CABYR: variants seen among roughly 807,000 people sequenced by gnomAD.
CABYR encodes calcium-binding tyrosine phosphorylation-regulated protein.
CABYR carries 31 observed loss-of-function variants against 36.1 expected under a neutral mutation model. That is an observed-to-expected ratio of 0.86 (90% CI 0.64 to 1.16). CABYR has a LOEUF of 1.16. Among genes scored for constraint, CABYR ranks in the 50% most tolerant of loss-of-function variants. The pLI is 0.00. For missense variants in CABYR, 429 were observed against 455.8 expected, an observed-to-expected ratio of 0.94 and a Z score of 0.53; for synonymous variants, 146 against 160.7, an observed-to-expected ratio of 0.91 and a Z score of 0.69.
intron 3 of CABYR, among the ~76,000 whole-genome samples, chr18:24,149,670 G>A (rs4800553): frequency 0.47 from 71,749 of 152,238 alleles, 19,940 homozygotes; most frequent in Non-Finnish European, 0.63. Context: ...GCTCAGGCAT[G>A]GCGGGCTGCA....
rs141027920 is a variant in CABYR at position 24,141,865 on chromosome 18, G to A, written c.-24-1226G>A. ...AACATAAGGGAAAATTTGGGAAGAG[G>A]GTAAGGGAGATATGAGAAACGAAAG... On this transcript the variant is annotated intron_variant, in intron 1 of 5. Transcript: ENST00000399496. Among the ~76,000 whole-genome samples, 923 of 152,116 alleles carry A rather than the reference G, an allele frequency of 6.1e-3. 16 individuals are homozygous for A. The highest frequency in any genetic ancestry group is 0.027 in the South Asian group (130 of 4,822).
At chr18:24,151,980 G>A in intron 3 of CABYR, among the ~76,000 whole-genome samples, 1 of 152,112 alleles carries the variant, frequency 6.6e-6, no homozygotes, top group South Asian at 2.1e-4. Context: ...ATGAGCCATC[G>A]TGCCTGACCT....
intron 4 of CABYR, chr18:24,156,614 T>C: frequency 2.5e-6 from 4 of 1,614,194 alleles, no homozygotes; most frequent in Non-Finnish European, 3.4e-6. Flanking sequence ...TGGAGGAGAA[T>C]GCAAAATATT....
intron 3 of CABYR, among the ~76,000 whole-genome samples, chr18:24,144,661 T>C (rs1568457445): frequency 6.6e-6 from 1 of 151,868 alleles, no homozygotes; most frequent in Non-Finnish European, 1.5e-5. Context: ...CTACCAGAGG[T>C]AATGGAGAGC....
At chr18:24,156,285 G>T in intron 4 of CABYR, 1 of 1,614,190 alleles carries the variant, frequency 6.2e-7, no homozygotes, top group Non-Finnish European at 8.5e-7. Flanking sequence ...GGCTTCCTCA[G>T]TCCCCTTGCA....
rs367779705 is a variant in CABYR, at chr18:24,156,351, G to C, written c.541+309G>C. 7 of 1,614,078 alleles carry C rather than the reference G, an allele frequency of 4.3e-6. No individual in the cohort carries two copies. In the African/African-American group the frequency reaches 9.3e-5, roughly 22 times the overall value. Reference sequence around the variant, plus strand: ...AGCTCCTGAGGTCACTTTGCAGGCTGATATTGAGGTTATGTCAACTGTTCA... The same window carrying C: ...AGCTCCTGAGGTCACTTTGCAGGCTCATATTGAGGTTATGTCAACTGTTCA... On this transcript the variant is annotated intron_variant, in intron 4 of 5. Coordinates refer to ENST00000399496, the MANE Select transcript of CABYR (RefSeq NM_153769.3).
chr18:24,149,876 T>C (rs4800554), intron 3 of CABYR, among the ~76,000 whole-genome samples: 148,964 of 152,350 alleles, frequency 0.98, 72,913 homozygotes, highest in East Asian at 1. Flanking sequence ...CCATGCCCAC[T>C]CGGAACTCCA....
intron 3 of CABYR, among the ~76,000 whole-genome samples, chr18:24,150,999 C>T (rs1055692798): frequency 6.6e-6 from 1 of 152,018 alleles, no homozygotes; most frequent in Non-Finnish European, 1.5e-5. Flanking sequence ...CAGGATGGCC[C>T]ACCTCCAATT....
intron 3 of CABYR, among the ~76,000 whole-genome samples, chr18:24,147,740 CAT>C (rs2085495611): frequency 6.6e-6 from 1 of 151,884 alleles, no homozygotes; most frequent in Admixed American, 6.6e-5. Flanking sequence ...TTATGGATGT[CAT>C]AGAATAAAAA....
At chr18:24,158,526 C>T (rs1395296428) in intron 4 of CABYR, among the ~76,000 whole-genome samples, 1 of 152,112 alleles carries the variant, frequency 6.6e-6, no homozygotes, top group Non-Finnish European at 1.5e-5. Flanking sequence ...CCATGTTGGT[C>T]AGGCTGGTCT....
chr18:24,160,054 C>T lies in CABYR; in HGVS notation c.1124C>T (p.Ala375Val), dbSNP rs2085910045. ...ACTACTGCTCACAAACGTCGCAAAG[C>T]AGAAACTGAAAACTGGTAGGTACAC... Reference protein sequence around the residue: ...TVTTAHKRRKAETEN With the variant: ...TVTTAHKRRKVETEN The change falls in exon 5 of 6, where the codon GCA becomes GTA. Residue 375 changes from alanine (A) to valine (V), a missense_variant. Physicochemically the swap from Ala to Val is moderately conservative, Grantham distance 64 (BLOSUM62 0). Coordinates refer to ENST00000399496, the MANE Select transcript of CABYR (RefSeq NM_153769.3). The T allele has an allele frequency of 2.5e-6, 4 of 1,611,030 alleles. No individual in the cohort carries two copies. The African/African-American group carries it at 5.4e-5, about 22-fold the overall frequency.
rs530267112 is a variant in CABYR at position 24,141,946 on chromosome 18, A to G, written c.-24-1145A>G. Among the ~76,000 whole-genome samples the G allele has an allele frequency of 2.0e-5, 3 of 152,338 alleles. No individual in the cohort carries two copies. The South Asian group carries it at 6.2e-4, about 32-fold the overall frequency. ...CCACAAATAAATTATACTCACACTG[A>G]TTAATGTTAAAAACAAAGTTATTCC... is the stretch of plus-strand genomic sequence containing the variant. On this transcript the variant is annotated intron_variant, in intron 1 of 5. Transcript: ENST00000399496.
intron 3 of CABYR, among the ~76,000 whole-genome samples, chr18:24,148,273 T>C (rs1016667364): frequency 1.3e-5 from 2 of 152,092 alleles, no homozygotes; most frequent in African/African-American, 2.4e-5. Flanking sequence ...TAAATAAAAA[T>C]GTCCCCTCTA....
intron 3 of CABYR, chr18:24,150,617 A>G (rs78687704): frequency 0.023 from 21,874 of 966,724 alleles, 300 homozygotes; most frequent in Admixed American, 0.063. Context: ...TAAACCACCT[A>G]CTTTATAGTC....
intron 1 of CABYR, among the ~76,000 whole-genome samples, chr18:24,142,273 C>A (rs2085342738): frequency 6.6e-6 from 1 of 151,946 alleles, no homozygotes; most frequent in Non-Finnish European, 1.5e-5. Context: ...TAGCTGAGAT[C>A]ACGCCACTGC....
intron 1 of CABYR, 99 bp downstream of exon 1, chr18:24,139,217 G>A (rs2085237882): frequency 6.6e-6 from 1 of 151,962 alleles, no homozygotes; most frequent in African/African-American, 2.4e-5. Flanking sequence ...GGCAGGCGGA[G>A]GGTCCTCAGA....
At position 24,156,808 on chromosome 18, in the gene CABYR, C is replaced by G. The variant is rs147349985; in HGVS notation, c.541+766C>G. On this transcript the variant is annotated intron_variant, in intron 4 of 5. Coordinates refer to ENST00000399496, the MANE Select transcript of CABYR (RefSeq NM_153769.3). ...TCTGACAATACTGGGCAGGAGGAGT[C>G]TGGGGAAAACTCTGTACCCCAGGAG... 1.4e-5 allele frequency: 23 copies of G among 1,613,946 alleles called. No individual in the cohort carries two copies. The highest frequency in any genetic ancestry group is 3.3e-4 in the Middle Eastern group (2 of 6,084).
At chr18:24,141,886 G>A (rs975690835) in intron 1 of CABYR, among the ~76,000 whole-genome samples, 5 of 152,050 alleles carry the variant, frequency 3.3e-5, no homozygotes, top group African/African-American at 1.2e-4. Flanking sequence ...TATGAGAAAC[G>A]AAAGGTACAA....
chr18:24,150,543 G>A, intron 3 of CABYR: 5 of 975,114 alleles, frequency 5.1e-6, no homozygotes, highest in Non-Finnish European at 6.1e-6. Flanking sequence ...GATAGATGGT[G>A]CAACTAATGT....
Sources: gnomAD v4.1 joint callset for allele counts (sites outside exome capture counted in the v4.1 genomes callset) on GRCh38, gnomAD v4.1.1 for gene constraint, MANE v1.5 for transcripts, NCBI Gene and HGNC (gene_info 2026-07-23, HGNC 2026-07-21) for gene names.